The following MDN1 variants were observed in gnomAD, a reference collection of about 807,000 sequenced individuals.
MDN1 encodes midasin AAA ATPase 1, also known as midasin.
MDN1 carries 266 observed loss-of-function variants against 669.2 expected under a neutral mutation model. The observed-to-expected ratio is 0.40, with a 90% confidence interval of 0.36 to 0.44. The LOEUF (loss-of-function observed/expected upper bound fraction) is 0.44. MDN1 is among the 20% of genes least tolerant of loss of function. The pLI is 1.00. For missense variants in MDN1, 5,940 were observed against 6,754.0 expected (o/e 0.88, Z 4.22); for synonymous variants, 2,385 against 2,457.1 (o/e 0.97, Z 0.87).
intron 23 of MDN1, 90 bp downstream of exon 23, chr6:89,751,341 G>A (rs1390617896): frequency 6.8e-7 from 1 of 1,465,046 alleles, no homozygotes; most frequent in East Asian, 2.3e-5. Flanking sequence ...TAAGAATAAA[G>A]CTCTTTGAAA....
At position 89,816,522 on chromosome 6, in the gene MDN1, C is replaced by A. The variant is rs116585296; in HGVS notation, c.102+2984G>T. 2.1e-3 allele frequency among the ~76,000 whole-genome samples: 325 copies of A among 151,952 alleles called. 1 individual carries two copies. Among genetic ancestry groups the A allele is most frequent in the African/African-American group, 7.6e-3 (316 of 41,428 alleles). Reference sequence around the variant, plus strand: ...GGTGGATCACTTGAGCCTAGGAGTTCTAGACCAGCCTGGACAACAAAGCAA... The same window carrying A: ...GGTGGATCACTTGAGCCTAGGAGTTATAGACCAGCCTGGACAACAAAGCAA... On this transcript the variant is annotated intron_variant, in intron 1 of 101. Transcript: ENST00000369393.
intron 12 of MDN1, among the ~76,000 whole-genome samples, chr6:89,775,045 A>G (rs1048603941): frequency 6.6e-6 from 1 of 152,234 alleles, no homozygotes; most frequent in Non-Finnish European, 1.5e-5. Context: ...GTAAGAAAAA[A>G]AAATCAGAGA....
chr6:89,674,188 G>C lies in MDN1; in HGVS notation c.13163C>G (p.Thr4388Arg). 1.2e-6 allele frequency: 2 copies of C among 1,614,208 alleles called. No homozygotes were observed. The highest frequency in any genetic ancestry group is 1.7e-6 in the Non-Finnish European group (2 of 1,180,046). ...TGTTTTAATGGTTTTTAGCATCTCT[G>C]TTAATCTCGTAGTTGACTGTTGCCA... ...HLWQQSTTRL[T>R]EMLKTIKTVK... The change falls in exon 79 of 102, where the codon ACA becomes AGA. Residue 4388 changes from threonine to arginine, a missense_variant. Coordinates refer to ENST00000369393, the MANE Select transcript of MDN1 (RefSeq NM_014611.3).
At chr6:89,686,728 C>G (rs184612505) in intron 69 of MDN1, among the ~76,000 whole-genome samples, 174 bp downstream of exon 69, 15 of 152,344 alleles carry the variant, frequency 9.8e-5, no homozygotes, top group Admixed American at 6.5e-4. Flanking sequence ...GTTAGATAAG[C>G]ACGATTTACA....
At chr6:89,693,392 GACTCACTGGAGTAGATAACTACAATT>G (rs1812511364) in intron 62 of MDN1, among the ~76,000 whole-genome samples, 1 of 152,136 alleles carries the variant, frequency 6.6e-6, no homozygotes, top group African/African-American at 2.4e-5. Context: ...GCCTCATCAT[GACTCACTGGAGTAGATAACTACAATT>G]ACCCTTCTTA....
Position 89,727,872 on chromosome 6 carries a change from C to A in MDN1, c.5433G>T (p.Leu1811=). Residue 1811 remains leucine (L), a synonymous_variant, in exon 37 of 102, where the codon CTG becomes CTT. Coordinates refer to ENST00000369393, the MANE Select transcript of MDN1 (RefSeq NM_014611.3). The part of the protein sequence containing the change: ...GEFAWRDGPL[L]AALKAGHWVV... ...CCCAATGGCCTGCCTTCAAAGCTGCCAGTAAGGGGCCATCACGCCAGGCAA... is the reference window on the plus strand; with the variant it reads ...CCCAATGGCCTGCCTTCAAAGCTGCAAGTAAGGGGCCATCACGCCAGGCAA... 1 of 1,613,968 alleles carries A rather than the reference C, an allele frequency of 6.2e-7. No homozygotes were observed. The highest frequency in any genetic ancestry group is 8.5e-7 in the Non-Finnish European group (1 of 1,179,962).
chr6:89,730,735 TAAA>T lies in MDN1; in HGVS notation c.5128_5130del (p.Phe1710del). Reference sequence around the variant, plus strand: ...TAAAAATCATTCTTACCCCTTGGTATAAAAAATGGATGAATTCCCCAAAGGTTA... The same window carrying T: ...TAAAAATCATTCTTACCCCTTGGTATAAATGGATGAATTCCCCAAAGGTTA... On this transcript the variant is annotated inframe_deletion, in exon 35 of 102. Coordinates refer to ENST00000369393, the MANE Select transcript of MDN1 (RefSeq NM_014611.3). 1 of 1,612,678 alleles carries T rather than the reference TAAA, an allele frequency of 6.2e-7. No individual in the cohort carries two copies. Among genetic ancestry groups the T allele is most frequent in the Non-Finnish European group, 8.5e-7 (1 of 1,179,562 alleles).
intron 67 of MDN1, 37 bp from the exon 68 acceptor site, chr6:89,687,475 T>C (rs1377656033): frequency 8.9e-6 from 14 of 1,566,896 alleles, no homozygotes; most frequent in Admixed American, 1.7e-5. Flanking sequence ...ACAGATATTA[T>C]TCAATGCCAT....
rs763029028 is a variant in MDN1, at chr6:89,758,885, G to A, written c.2536C>T (p.Leu846=). The A allele has an allele frequency of 1.9e-6, 3 of 1,614,080 alleles. No individual in the cohort carries two copies. Among genetic ancestry groups the A allele is most frequent in the Middle Eastern group, 1.6e-4 (1 of 6,062 alleles). The change falls in exon 18 of 102, where the codon CTA becomes TTA. Residue 846 remains leucine, a synonymous_variant. Coordinates refer to ENST00000369393, the MANE Select transcript of MDN1 (RefSeq NM_014611.3). ...DEINLAAPEI[L]ECLSGLLEGS... ...TCAAGCAAACCACTCAGACATTCTA[G>A]TATTTCTGGAGCAGCCAAGTTAATC...
Position 89,693,078 on chromosome 6 carries a change from G to A in MDN1, c.9952C>T (p.Pro3318Ser). 6.2e-7 allele frequency: 1 copy of A among 1,613,950 alleles called. No homozygotes were observed. Among genetic ancestry groups the A allele is most frequent in the Non-Finnish European group, 8.5e-7 (1 of 1,179,948 alleles). ...AGGGACTCGTAGGCAGGCAGCTGGG[G>A]TCTAAAGGCCTGTTTCTTCAACAGG... Reference protein sequence around the residue: ...CHLLKKQAFRPQLPAYESLVQ... With the variant: ...CHLLKKQAFRSQLPAYESLVQ... The change falls in exon 63 of 102, where the codon CCC becomes TCC. Residue 3318 changes from proline to serine, a missense_variant. Physicochemically the swap from Pro to Ser is moderately conservative, Grantham distance 74. Coordinates refer to ENST00000369393, the MANE Select transcript of MDN1 (RefSeq NM_014611.3).
chr6:89,792,101 C>A (rs959221880), intron 5 of MDN1, among the ~76,000 whole-genome samples: 1 of 151,932 alleles, frequency 6.6e-6, no homozygotes, highest in Non-Finnish European at 1.5e-5. Flanking sequence ...ATCTCCTGAC[C>A]TCGTGATCTG....
chr6:89,658,876 C>G lies in MDN1; in HGVS notation c.14755G>C (p.Gly4919Arg). The part of the protein sequence containing the change: ...LEIKEKPEEA[G>R]HEAEERGETE... The stretch of plus-strand genomic sequence containing the variant: ...TCTCCTCTTTCCTCAGCTTCATGAC[C>G]TGCTTCTTCTGGTTTTTCTTTTATC... Residue 4919 changes from glycine to arginine, a missense_variant, in exon 89 of 102, where the codon GGT (glycine) becomes CGT (arginine). Around this residue, in one of 5 missense-constraint regions of MDN1, gnomAD observed 2,280 missense variants for 2,576.3 expected, o/e 0.88. Transcript: ENST00000369393. 1 of 1,613,140 alleles carries G rather than the reference C, an allele frequency of 6.2e-7. No individual in the cohort carries two copies. Among genetic ancestry groups the G allele is most frequent in the Non-Finnish European group, 8.5e-7 (1 of 1,179,792 alleles).
intron 18 of MDN1, among the ~76,000 whole-genome samples, chr6:89,758,582 TAA>T (rs1817375005): frequency 6.6e-6 from 1 of 152,222 alleles, no homozygotes; most frequent in Non-Finnish European, 1.5e-5. Flanking sequence ...TGTTATTTTA[TAA>T]GTGTGTCTAT....
At chr6:89,809,240 GAAGT>G (rs371294350) in intron 1 of MDN1, among the ~76,000 whole-genome samples, 3 of 123,910 alleles carry the variant, frequency 2.4e-5, no homozygotes, top group African/African-American at 9.1e-5. Flanking sequence ...AAAAAAAAAA[GAAGT>G]ATGTATATTT....
rs1188462482 is a variant in MDN1, at chr6:89,654,278, C to T, written c.15547G>A (p.Glu5183Lys). 6.2e-7 allele frequency: 1 copy of T among 1,614,242 alleles called. No individual in the cohort carries two copies. Reference sequence around the variant, plus strand: ...ATAAGGGTGTCCTCTATCTCCTCCTCTTCCTGATCTTTGCCAGAGTCTTTT... The same window carrying T: ...ATAAGGGTGTCCTCTATCTCCTCCTTTTCCTGATCTTTGCCAGAGTCTTTT... ...SAKDSGKDQEEEEIEDTLMDT... is the reference protein window; with the variant it reads ...SAKDSGKDQEKEEIEDTLMDT... The change falls in exon 93 of 102, where the codon GAG (glutamate) becomes AAG (lysine). Residue 5183 changes from glutamate (E) to lysine (K), a missense_variant. Physicochemically the swap from Glu to Lys is moderately conservative, Grantham distance 56 (BLOSUM62 1). Around this residue, in one of 5 missense-constraint regions of MDN1, gnomAD observed 2,280 missense variants for 2,576.3 expected, o/e 0.88. Transcript: ENST00000369393.
At chr6:89,753,930 A>AT (rs1173424256) in intron 21 of MDN1, among the ~76,000 whole-genome samples, 153 bp downstream of exon 21, 3 of 152,326 alleles carry the variant, frequency 2.0e-5, no homozygotes, top group Non-Finnish European at 2.9e-5. Flanking sequence ...AAAATATTTA[A>AT]TTTAAAAGGG....
At chr6:89,652,960 A>G in intron 94 of MDN1, 32 bp downstream of exon 94, 1 of 1,599,076 alleles carries the variant, frequency 6.3e-7, no homozygotes, top group African/African-American at 1.3e-5. Context: ...TATTAACACT[A>G]TATTAATGCA....
At chr6:89,742,684 GTC>G in intron 31 of MDN1, among the ~76,000 whole-genome samples, 1 of 152,226 alleles carries the variant, frequency 6.6e-6, no homozygotes, top group Non-Finnish European at 1.5e-5. Context: ...ATTCATATTG[GTC>G]TGAGGTCTGA....
At position 89,751,517 on chromosome 6, in the gene MDN1, G is replaced by T. The variant is rs534180843; in HGVS notation, c.3141C>A (p.Asp1047Glu). Residue 1047 changes from aspartate (D) to glutamate (E), a missense_variant, in exon 23 of 102, where the codon GAC becomes GAA. Transcript: ENST00000369393. ...QVEGYWIAVGDKEPTIDETYI... is the reference protein window; with the variant it reads ...QVEGYWIAVGEKEPTIDETYI... ...ACGTCTCATCTATTGTAGGCTCCTTGTCTCCCACCGCAATCCAGTAGCCTT... is the reference window on the plus strand; with the variant it reads ...ACGTCTCATCTATTGTAGGCTCCTTTTCTCCCACCGCAATCCAGTAGCCTT... 4.3e-6 allele frequency: 7 copies of T among 1,614,124 alleles called. No individual in the cohort carries two copies. The East Asian group carries it at 1.3e-4, about 31-fold the overall frequency.
Sources: gnomAD v4.1 joint callset for allele counts (sites outside exome capture counted in the v4.1 genomes callset) on GRCh38, gnomAD v4.1.1 for gene constraint, gnomAD v4.1.1 regional missense constraint, MANE v1.5 for transcripts, NCBI Gene and HGNC (gene_info 2026-07-23, HGNC 2026-07-21) for gene names.